MAGI2: variants seen among roughly 807,000 people sequenced by gnomAD.
MAGI2 encodes membrane-associated guanylate kinase, WW and PDZ domain-containing protein 2.
A neutral mutation model predicts 133.3 loss-of-function variants in MAGI2; 35 were observed. That is an observed-to-expected ratio of 0.26 (90% confidence interval 0.20 to 0.35). The LOEUF is 0.35. MAGI2 is among the 10% of genes least tolerant of loss of function. MAGI2 has a pLI of 1.00. For synonymous variants in MAGI2, 729 were observed against 710.6 expected (o/e 1.03, Z -0.41); for missense variants, 1,636 against 1,863.4 (o/e 0.88, Z 2.25).
chr7:78,460,625 G>A (rs1242420050), intron 6 of MAGI2, among the ~76,000 whole-genome samples: 3 of 152,144 alleles, frequency 2.0e-5, no homozygotes, highest in African/African-American at 7.2e-5. Flanking sequence ...TGGCCAACCT[G>A]GAGGTTTACT....
At chr7:78,212,865 T>C (rs1045129648) in intron 10 of MAGI2, among the ~76,000 whole-genome samples, 11 of 152,158 alleles carry the variant, frequency 7.2e-5, no homozygotes, top group Admixed American at 3.9e-4. Flanking sequence ...TATTTTTAGA[T>C]GGGGTTTCAC....
chr7:78,612,184 A>G (rs1806525754), intron 3 of MAGI2, among the ~76,000 whole-genome samples: 1 of 152,200 alleles, frequency 6.6e-6, no homozygotes, highest in Non-Finnish European at 1.5e-5. Context: ...ATGAAAAGCA[A>G]AAAAATGTTT....
intron 2 of MAGI2, among the ~76,000 whole-genome samples, chr7:78,912,453 G>C (rs1314348540): frequency 6.6e-6 from 1 of 151,950 alleles, no homozygotes; most frequent in Non-Finnish European, 1.5e-5. Flanking sequence ...TAGGTGGGCT[G>C]GGAAAGGCAG....
intron 2 of MAGI2, among the ~76,000 whole-genome samples, chr7:78,749,636 T>G (rs1003978681): frequency 6.6e-6 from 1 of 152,026 alleles, no homozygotes; most frequent in Admixed American, 6.6e-5. Context: ...AGAATAAGGA[T>G]AGATTGCAGA....
At chr7:78,847,170 T>C (rs550045677) in intron 2 of MAGI2, among the ~76,000 whole-genome samples, 1 of 152,108 alleles carries the variant, frequency 6.6e-6, no homozygotes, top group Non-Finnish European at 1.5e-5. Flanking sequence ...TCAAAAGTAA[T>C]TTACAAGACA....
chr7:78,038,748 A>C (rs1190180121), intron 21 of MAGI2, among the ~76,000 whole-genome samples: 1 of 152,262 alleles, frequency 6.6e-6, no homozygotes, highest in East Asian at 1.9e-4. Flanking sequence ...GAAGAGCTTC[A>C]ACCAGGACAC....
chr7:78,617,096 C>T (rs1326936115), intron 3 of MAGI2: 1 of 152,024 alleles, frequency 6.6e-6, no homozygotes, highest in Non-Finnish European at 1.5e-5. Context: ...CAGGTAGGAG[C>T]TCCCTGAAGA....
intron 2 of MAGI2, among the ~76,000 whole-genome samples, chr7:78,811,760 T>C (rs1406075200): frequency 6.6e-6 from 1 of 152,204 alleles, no homozygotes; most frequent in Non-Finnish European, 1.5e-5. Context: ...CTGGAAGATA[T>C]ATCTTTAAAG....
chr7:78,823,935 A>AC (rs199691589), intron 2 of MAGI2, among the ~76,000 whole-genome samples: 1 of 151,714 alleles, frequency 6.6e-6, no homozygotes, highest in Admixed American at 6.6e-5. Context: ...ACACACACAC[A>AC]AAATGCATTG....
At chr7:78,687,806 TAAAAATACA>T (rs764533219) in intron 2 of MAGI2, among the ~76,000 whole-genome samples, 1 of 150,892 alleles carries the variant, frequency 6.6e-6, no homozygotes, top group Non-Finnish European at 1.5e-5. Context: ...CCTTCTCTAC[TAAAAATACA>T]AAAATTAGTT....
At chr7:78,891,294 A>G (rs1413483345) in intron 2 of MAGI2, among the ~76,000 whole-genome samples, 2 of 152,122 alleles carry the variant, frequency 1.3e-5, no homozygotes, top group Non-Finnish European at 2.9e-5. Context: ...AATTCTACCA[A>G]AGGTACAAGG....
At chr7:79,157,519 A>G (rs1823899380) in intron 1 of MAGI2, among the ~76,000 whole-genome samples, 1 of 151,170 alleles carries the variant, frequency 6.6e-6, no homozygotes, top group Non-Finnish European at 1.5e-5. Context: ...TTGATCCACC[A>G]GACAAAATTC....
chr7:78,285,127 T>C (rs1164352325), intron 9 of MAGI2, among the ~76,000 whole-genome samples: 1 of 152,072 alleles, frequency 6.6e-6, no homozygotes, highest in Non-Finnish European at 1.5e-5. Context: ...GCACTGTTTC[T>C]AGTACATGGA....
At chr7:79,289,667 T>C (rs996741776) in intron 1 of MAGI2, among the ~76,000 whole-genome samples, 1 of 152,160 alleles carries the variant, frequency 6.6e-6, no homozygotes, top group African/African-American at 2.4e-5. Flanking sequence ...TGGATTCAGT[T>C]ACCACTGGAC....
chr7:79,374,762 G>A (rs565998607), intron 1 of MAGI2, among the ~76,000 whole-genome samples: 57 of 151,928 alleles, frequency 3.8e-4, no homozygotes, highest in South Asian at 2.9e-3. Flanking sequence ...TTCTTTATGG[G>A]TATAAAGAGT....
chr7:79,208,218 G>A (rs1306920410), intron 1 of MAGI2, among the ~76,000 whole-genome samples: 1 of 151,752 alleles, frequency 6.6e-6, no homozygotes, highest in Non-Finnish European at 1.5e-5. Context: ...TCTGCACAAC[G>A]AAGGAAACAG....
chr7:78,952,636 G>A (rs1050663406), intron 2 of MAGI2, among the ~76,000 whole-genome samples: 5 of 141,514 alleles, frequency 3.5e-5, no homozygotes, highest in Middle Eastern at 4.1e-3. Context: ...ATTTAGTTAT[G>A]TCTTATATGT....
intron 21 of MAGI2, among the ~76,000 whole-genome samples, chr7:78,028,838 G>C (rs190877755): frequency 8.5e-4 from 93 of 109,626 alleles, no homozygotes; most frequent in African/African-American, 3.3e-3. Context: ...AACAGAGCAA[G>C]ACTCCATCTC....
intron 1 of MAGI2, among the ~76,000 whole-genome samples, chr7:79,291,448 G>A (rs1836478662): frequency 6.6e-6 from 1 of 152,008 alleles, no homozygotes; most frequent in Non-Finnish European, 1.5e-5. Context: ...GAATTACTGG[G>A]TCTTATGGCA....
Sources: allele counts gnomAD v4.1 joint callset (sites outside exome capture counted in the v4.1 genomes callset), GRCh38; gene constraint gnomAD v4.1.1; transcripts MANE v1.5; gene names NCBI Gene and HGNC (gene_info 2026-07-23, HGNC 2026-07-21).